GREB1: variants seen among roughly 807,000 people sequenced by gnomAD.
The protein encoded by GREB1 is growth regulating estrogen receptor binding 1, also known as protein GREB1.
In GREB1, 106 loss-of-function variants were observed where a neutral mutation model predicts 200.7. The ratio of observed to expected loss-of-function variants is 0.53; its 90% confidence interval spans 0.45 to 0.62. GREB1 has a LOEUF of 0.62. Ranked by LOEUF, GREB1 falls within the 20% of genes least tolerant of loss-of-function variation. The probability of loss-of-function intolerance (pLI) is 0.00; values close to 1 mark genes in which losing one functional copy is unlikely to be tolerated. For synonymous variants in GREB1, 1,132 were observed against 1,092.4 expected, an observed-to-expected ratio of 1.04 and a Z score of -0.72; for missense variants, 2,243 against 2,556.8, an observed-to-expected ratio of 0.88 and a Z score of 2.65.
At chr2:11,582,372 G>A (rs1490249470) in intron 7 of GREB1, among the ~76,000 whole-genome samples, 4 of 152,202 alleles carry the variant, frequency 2.6e-5, no homozygotes, top group East Asian at 1.9e-4. Context: ...CCCACCTGCC[G>A]AACCTCATTC....
intron 1 of GREB1, among the ~76,000 whole-genome samples, chr2:11,515,276 G>C (rs1673461221): frequency 6.6e-6 from 1 of 152,198 alleles, no homozygotes; most frequent in South Asian, 2.1e-4. Flanking sequence ...CAGTGCAGAG[G>C]GAACAGAGAT....
Position 11,597,750 on chromosome 2 carries a change from C to T in GREB1, c.1955-31C>T. The T allele has an allele frequency of 6.2e-7, 1 of 1,602,324 alleles. No homozygotes were observed. The highest frequency in any genetic ancestry group is 1.1e-5 in the South Asian group (1 of 90,900). ...CTGGCAGTAGCCGTGTGCCCTGGAG[C>T]TCACCTGGCATCCTGGGGCTCTGGT... On this transcript the variant is annotated intron_variant, in intron 13 of 32. Coordinates refer to ENST00000381486, the MANE Select transcript of GREB1 (RefSeq NM_014668.4). This position sits in a 1 kb window ranked among gnomAD's most constrained non-coding sequence, Gnocchi z 4.1.
intron 4 of GREB1, among the ~76,000 whole-genome samples, chr2:11,572,986 C>T (rs1678462288): frequency 6.6e-6 from 1 of 152,188 alleles, no homozygotes; most frequent in African/African-American, 2.4e-5. Context: ...GTGCTTGGCA[C>T]AGTGCCTGGC....
intron 17 of GREB1, among the ~76,000 whole-genome samples, chr2:11,608,607 C>A (rs960049902): frequency 6.6e-6 from 1 of 152,170 alleles, no homozygotes; most frequent in African/African-American, 2.4e-5. Flanking sequence ...AGGACCAGAG[C>A]AGTATTTAAT....
intron 1 of GREB1, among the ~76,000 whole-genome samples, chr2:11,500,786 A>T (rs1673014887): frequency 6.6e-6 from 1 of 152,218 alleles, no homozygotes; most frequent in African/African-American, 2.4e-5. Flanking sequence ...AATAATGGGG[A>T]CTTTACATAT....
At chr2:11,545,749 C>G (rs977629894) in intron 1 of GREB1, among the ~76,000 whole-genome samples, 4 of 152,274 alleles carry the variant, frequency 2.6e-5, no homozygotes, top group Admixed American at 2.6e-4. Context: ...ACCACGTTAC[C>G]TAAGTTTTAG....
intron 1 of GREB1, among the ~76,000 whole-genome samples, chr2:11,515,882 G>C (rs1247435602): frequency 6.6e-6 from 1 of 152,200 alleles, no homozygotes; most frequent in Non-Finnish European, 1.5e-5. Context: ...TCCAGGCTTT[G>C]TGCTTAGAGG....
At chr2:11,612,921 A>C (rs528390705) in intron 19 of GREB1, among the ~76,000 whole-genome samples, 1 of 152,250 alleles carries the variant, frequency 6.6e-6, no homozygotes, top group East Asian at 1.9e-4. Flanking sequence ...GTGTCTCCCC[A>C]TGGGGCGCTC....
intron 1 of GREB1, among the ~76,000 whole-genome samples, chr2:11,482,906 C>T (rs1290858785): frequency 6.6e-6 from 1 of 151,332 alleles, no homozygotes; most frequent in African/African-American, 2.4e-5. Context: ...GGCTAGCCTC[C>T]GTCGGCGGCG....
At chr2:11,616,361 C>G (rs944365210) in intron 20 of GREB1, among the ~76,000 whole-genome samples, 1 of 152,250 alleles carries the variant, frequency 6.6e-6, no homozygotes, top group African/African-American at 2.4e-5. Flanking sequence ...CTCCCCGACC[C>G]CTCTCTCTTT....
intron 1 of GREB1, among the ~76,000 whole-genome samples, chr2:11,525,065 A>T (rs933902037): frequency 2.0e-5 from 3 of 152,180 alleles, no homozygotes; most frequent in Non-Finnish European, 4.4e-5. Flanking sequence ...TTGCTGTTCC[A>T]TGGGAAGAAC....
At chr2:11,593,784 A>T (rs1572854297) in intron 11 of GREB1, among the ~76,000 whole-genome samples, 1 of 151,970 alleles carries the variant, frequency 6.6e-6, no homozygotes, top group East Asian at 1.9e-4. Context: ...ATTTAATTTT[A>T]AAAACACCCA....
At chr2:11,565,167 G>A (rs1677495369) in intron 3 of GREB1, among the ~76,000 whole-genome samples, 1 of 152,174 alleles carries the variant, frequency 6.6e-6, no homozygotes, top group African/African-American at 2.4e-5. Flanking sequence ...TCTGTAGCTT[G>A]CAGCAAATCA....
chr2:11,537,619 ATAC>A (rs1183477706), intron 1 of GREB1, among the ~76,000 whole-genome samples: 1 of 148,482 alleles, frequency 6.7e-6, no homozygotes, highest in Non-Finnish European at 1.5e-5. Context: ...TAAATAGTAT[ATAC>A]TATTTTAACA....
At chr2:11,483,912 G>T (rs1672583014) in intron 1 of GREB1, among the ~76,000 whole-genome samples, 2 of 152,314 alleles carry the variant, frequency 1.3e-5, no homozygotes, top group South Asian at 4.1e-4. Flanking sequence ...AGAGAGTTAA[G>T]TGTTACTTCA....
chr2:11,615,363 C>T, intron 20 of GREB1, 73 bp downstream of exon 20: 1 of 1,326,704 alleles, frequency 7.5e-7, no homozygotes, highest in East Asian at 2.5e-5. Flanking sequence ...TTTGAGGCTG[C>T]CTGTGCTTAT....
At chr2:11,515,733 C>T (rs1673476762) in intron 1 of GREB1, among the ~76,000 whole-genome samples, 1 of 152,246 alleles carries the variant, frequency 6.6e-6, no homozygotes, top group Non-Finnish European at 1.5e-5. Flanking sequence ...TCATCAGCCC[C>T]TCCTCCGGGA....
chr2:11,508,303 C>T (rs571856705), intron 1 of GREB1, among the ~76,000 whole-genome samples: 1 of 152,368 alleles, frequency 6.6e-6, no homozygotes, highest in Non-Finnish European at 1.5e-5. Flanking sequence ...CCACATTTTA[C>T]ATCCAGGGAT....
At chr2:11,567,481 T>C (rs1339145390) in intron 4 of GREB1, among the ~76,000 whole-genome samples, 2 of 152,146 alleles carry the variant, frequency 1.3e-5, no homozygotes, top group Non-Finnish European at 2.9e-5. Flanking sequence ...GTTAAATTGC[T>C]CAAGGCCGCG....
Sources: allele counts gnomAD v4.1 joint callset (sites outside exome capture counted in the v4.1 genomes callset), GRCh38; gene constraint gnomAD v4.1.1; non-coding constraint Gnocchi (gnomAD v3.1); transcripts MANE v1.5; gene names NCBI Gene and HGNC (gene_info 2026-07-23, HGNC 2026-07-21).